The following TRIM51 variants were observed in gnomAD, a reference collection of about 807,000 sequenced individuals.
TRIM51 encodes tripartite motif-containing protein 51.
In TRIM51, 23 loss-of-function variants were observed where a neutral mutation model predicts 32.7. The ratio of observed to expected loss-of-function variants is 0.70; its 90% CI spans 0.51 to 1.00. The LOEUF is 1.00. Ranked by LOEUF, TRIM51 falls within the 50% of genes least tolerant of loss-of-function variation. The probability of loss-of-function intolerance (pLI) is 0.00; values close to 1 mark genes in which losing one functional copy is unlikely to be tolerated. For synonymous variants in TRIM51, 177 were observed against 181.9 expected (o/e 0.97, Z 0.22); for missense variants, 592 against 539.2 (o/e 1.10, Z -0.97).
intron 1 of TRIM51, among the ~76,000 whole-genome samples, chr11:55,883,865 C>A (rs1266767035): frequency 2.0e-5 from 3 of 151,904 alleles, no homozygotes; most frequent in Admixed American, 2.0e-4. Context: ...GAAATCAAAA[C>A]ACGATTGTTT....
intron 6 of TRIM51, among the ~76,000 whole-genome samples, chr11:55,890,528 T>C (rs1217868039): frequency 6.6e-6 from 1 of 152,166 alleles, no homozygotes; most frequent in Non-Finnish European, 1.5e-5. Context: ...GAAATTATTA[T>C]GTAAATAGGA....
intron 1 of TRIM51, among the ~76,000 whole-genome samples, chr11:55,883,672 G>A (rs890275435): frequency 6.6e-6 from 1 of 151,970 alleles, no homozygotes; most frequent in Non-Finnish European, 1.5e-5. Flanking sequence ...ATATATATGT[G>A]TACTGCATGT....
rs1347878514 is a variant in TRIM51, at chr11:55,891,384, A to G, written c.1111A>G (p.Ile371Val). ...GAAAGAGAAGAGACAGAATGACAAG[A>G]TAGATGGAGAGGAGGGACTCTTTCT... ...YWKEKRQNDK[I>V]DGEEGLFLLG... is the part of the protein sequence containing the mutation. The change falls in exon 7 of 7, where the codon ATA (isoleucine) becomes GTA (valine). Residue 371 changes from isoleucine to valine, a missense_variant. By Grantham distance (29) the Ile-to-Val change is conservative. Transcript: ENST00000449290. 6.2e-7 allele frequency: 1 copy of G among 1,612,282 alleles called. No individual in the cohort carries two copies. The highest frequency in any genetic ancestry group is 1.7e-5 in the Admixed American group (1 of 60,000).
intron 1 of TRIM51, among the ~76,000 whole-genome samples, chr11:55,883,678 C>T (rs1394153344): frequency 6.6e-6 from 1 of 151,938 alleles, no homozygotes; most frequent in Non-Finnish European, 1.5e-5. Context: ...ATGTGTACTG[C>T]ATGTACTAAT....
intron 1 of TRIM51, 73 bp downstream of exon 1, chr11:55,883,457 C>CT (rs1854536153): frequency 1.3e-5 from 2 of 152,126 alleles, no homozygotes; most frequent in Non-Finnish European, 2.9e-5. Context: ...ATAAAAATAT[C>CT]TAACTGTCTA....
rs1338954599 is a variant in TRIM51 at position 55,888,276 on chromosome 11, A to T, written c.738+14A>T. On this transcript the variant is annotated intron_variant, in intron 4 of 6. Transcript: ENST00000449290. ...GAGCTACTCCAGGTATGGACTGACC[A>T]TGGGGTATCATGATGTTGAACATTC... is the stretch of plus-strand genomic sequence containing the variant. The T allele has an allele frequency of 6.3e-7, 1 of 1,585,470 alleles. No homozygotes were observed. The highest frequency in any genetic ancestry group is 8.7e-7 in the Non-Finnish European group (1 of 1,155,434).
intron 6 of TRIM51, 72 bp from the exon 7 acceptor site, chr11:55,891,061 C>A (rs1468432813): frequency 1.6e-6 from 2 of 1,284,762 alleles, no homozygotes; most frequent in East Asian, 2.5e-5. Context: ...CTTGGTAGAA[C>A]AACATTTCCC....
rs1854544156 is a variant in TRIM51 at position 55,884,165 on chromosome 11, A to G, written c.-5+781A>G. Among the ~76,000 whole-genome samples, 2 of 72,976 alleles carry G rather than the reference A, an allele frequency of 2.7e-5. 1 individual carries two copies. The highest frequency in any genetic ancestry group is 1.7e-4 in the African/African-American group (2 of 12,064). 47.9% of individuals were successfully genotyped at this position (72,976 alleles called of 152,430 possible). ...TGTGTACATAACTATAACTATATAT[A>G]TATATATATATATATATACACATAC... On this transcript the variant is annotated intron_variant, in intron 1 of 6. Coordinates refer to ENST00000449290, the MANE Select transcript of TRIM51 (RefSeq NM_032681.4).
At chr11:55,886,420 C>T (rs1170549572) in intron 3 of TRIM51, among the ~76,000 whole-genome samples, 1 of 152,170 alleles carries the variant, frequency 6.6e-6, no homozygotes, top group African/African-American at 2.4e-5. Context: ...ACAGATGTTA[C>T]CCAAGCATGC....
rs1854642399 is a variant in TRIM51, at chr11:55,891,126, T to C, written c.860-7T>C. The C allele has an allele frequency of 6.3e-7, 1 of 1,587,498 alleles. No individual in the cohort carries two copies. Among genetic ancestry groups the C allele is most frequent in the Admixed American group, 1.7e-5 (1 of 57,896 alleles). On this transcript the variant is annotated splice_polypyrimidine_tract_variant and splice_region_variant and intron_variant, in intron 6 of 6. Coordinates refer to ENST00000449290, the MANE Select transcript of TRIM51 (RefSeq NM_032681.4). Reference sequence around the variant, plus strand: ...GTATCTATATTTTTTAAAAATTATTTTTGCAGTTGATTTTACTCTGCAGCC... The same window carrying C: ...GTATCTATATTTTTTAAAAATTATTCTTGCAGTTGATTTTACTCTGCAGCC...
chr11:55,886,501 C>T (rs540476726), intron 3 of TRIM51, among the ~76,000 whole-genome samples: 91 of 152,246 alleles, frequency 6.0e-4, no homozygotes, highest in African/African-American at 2.2e-3. Flanking sequence ...TCACACTCTT[C>T]CCAATGGGCT....
At chr11:55,890,921 A>T (rs938501185) in intron 6 of TRIM51, among the ~76,000 whole-genome samples, 1 of 152,158 alleles carries the variant, frequency 6.6e-6, no homozygotes, top group East Asian at 1.9e-4. Flanking sequence ...TAAGTTTTCA[A>T]TAAATTTTCA....
chr11:55,887,003 A>G, intron 3 of TRIM51, among the ~76,000 whole-genome samples: 1 of 152,158 alleles, frequency 6.6e-6, no homozygotes, highest in East Asian at 1.9e-4. Flanking sequence ...AAGAAAACAC[A>G]CAAATCTTGC....
In TRIM51 at chr11:55,885,566, G is replaced by C; in HGVS notation, c.138G>C (p.Thr46=). The C allele has an allele frequency of 1.2e-6, 2 of 1,611,878 alleles. No homozygotes were observed. Among genetic ancestry groups the C allele is most frequent in the East Asian group, 2.2e-5 (1 of 44,862 alleles). ...RPCLYLNWQD[T]AVLAQCSECK... ...GTTTGTACCTCAACTGGCAAGACAC[G>C]GCAGTTCTTGCTCAGTGCTCTGAAT... is the stretch of plus-strand genomic sequence containing the variant. Residue 46 remains threonine (T), a synonymous_variant, in exon 2 of 7, where the codon ACG becomes ACC. Coordinates refer to ENST00000449290, the MANE Select transcript of TRIM51 (RefSeq NM_032681.4).
intron 5 of TRIM51, among the ~76,000 whole-genome samples, chr11:55,889,368 G>A (rs757468443): frequency 2.6e-5 from 4 of 152,068 alleles, no homozygotes; most frequent in Non-Finnish European, 4.4e-5. Flanking sequence ...AGTCAACCAG[G>A]GGAAGCCAGA....
At chr11:55,889,479 ATGTTTGAACCG>A (rs1165120071) in intron 5 of TRIM51, among the ~76,000 whole-genome samples, 2 of 152,166 alleles carry the variant, frequency 1.3e-5, no homozygotes, top group African/African-American at 4.8e-5. Flanking sequence ...ACTATTCGGA[ATGTTTGAACCG>A]TGTAGGCCTC....
chr11:55,889,831 G>A (rs1182373993), intron 5 of TRIM51, 111 bp from the exon 6 acceptor site: 5 of 728,778 alleles, frequency 6.9e-6, no homozygotes, highest in Non-Finnish European at 1.2e-5. Flanking sequence ...TTTGGAATTA[G>A]CAAATGTGTG....
In TRIM51 at chr11:55,891,513, G is replaced by A. The variant is rs1188205677; in HGVS notation, c.1240G>A (p.Asp414Asn). The A allele has an allele frequency of 1.2e-6, 2 of 1,613,444 alleles. No individual in the cohort carries two copies. Among genetic ancestry groups the A allele is most frequent in the Non-Finnish European group, 1.7e-6 (2 of 1,179,740 alleles). ...TACCAGCACAGTAGGATTATTCCTG[G>A]ATTGTGAAGGTAGAACCGTGAGCTT... ...RPTSTVGLFL[D>N]CEGRTVSFVD... The change falls in exon 7 of 7, where the codon GAT (aspartate) becomes AAT (asparagine). Residue 414 changes from aspartate (D) to asparagine (N), a missense_variant. Physicochemically the swap from Asp to Asn is conservative, Grantham distance 23 (BLOSUM62 1). Coordinates refer to ENST00000449290, the MANE Select transcript of TRIM51 (RefSeq NM_032681.4).
chr11:55,885,840 G>C lies in TRIM51; in HGVS notation c.411+1G>C, dbSNP rs187475456. 1.2e-6 allele frequency: 2 copies of C among 1,611,648 alleles called. No individual in the cohort carries two copies. Among genetic ancestry groups the C allele is most frequent in the Middle Eastern group, 2.3e-4 (1 of 4,424 alleles). Reference sequence around the variant, plus strand: ...TGAGTGGGCTGCTGAGGAACGCCGGGTAAGTGATGCCTCTGAAGATCTATT... The same window carrying C: ...TGAGTGGGCTGCTGAGGAACGCCGGCTAAGTGATGCCTCTGAAGATCTATT... On this transcript the variant is annotated splice_donor_variant, in intron 2 of 6. Coordinates refer to ENST00000449290, the MANE Select transcript of TRIM51 (RefSeq NM_032681.4). LOFTEE classifies it high-confidence loss of function.
Sources: gnomAD v4.1 joint callset for allele counts (sites outside exome capture counted in the v4.1 genomes callset) on GRCh38, gnomAD v4.1.1 for gene constraint, MANE v1.5 for transcripts, NCBI Gene and HGNC (gene_info 2026-07-23, HGNC 2026-07-21) for gene names.